The following STAB2 variants were observed in gnomAD, a reference collection of about 807,000 sequenced individuals.
STAB2 encodes stabilin-2.
A neutral mutation model predicts 338.1 loss-of-function variants in STAB2; 288 were observed. That is an observed-to-expected ratio of 0.85 (90% CI 0.77 to 0.94). The LOEUF is 0.94. Among genes scored for constraint, STAB2 ranks in the 40% least tolerant of loss-of-function variants. The pLI, the probability that STAB2 is intolerant of heterozygous loss-of-function variation, is 0.00. For missense variants in STAB2, 3,141 were observed against 3,210.1 expected, an observed-to-expected ratio of 0.98 and a Z score of 0.52; for synonymous variants, 1,202 against 1,193.3, an observed-to-expected ratio of 1.01 and a Z score of -0.15.
At position 103,640,119 on chromosome 12, in the gene STAB2, G is replaced by A. The variant is rs764080749; in HGVS notation, c.907-4G>A. 3.7e-6 allele frequency: 6 copies of A among 1,609,048 alleles called. No individual in the cohort carries two copies. The highest frequency in any genetic ancestry group is 5.1e-6 in the Non-Finnish European group (6 of 1,176,932). On this transcript the variant is annotated splice_polypyrimidine_tract_variant and splice_region_variant and intron_variant, in intron 8 of 68. Coordinates refer to ENST00000388887, the MANE Select transcript of STAB2 (RefSeq NM_017564.10). The stretch of plus-strand genomic sequence containing the variant: ...ATTTGTTTTTCTCTTCCTGTCTACT[G>A]AAGTCTCACTGCGAGTGTAAGGAGC...
chr12:103,740,549 T>A, intron 54 of STAB2, 81 bp from the exon 55 acceptor site: 1 of 1,532,198 alleles, frequency 6.5e-7, no homozygotes, highest in South Asian at 1.3e-5. Flanking sequence ...ACCTAAGACC[T>A]CCATGAGGGC....
At chr12:103,724,926 A>C in intron 44 of STAB2, 49 bp from the exon 45 acceptor site, 1 of 1,589,706 alleles carries the variant, frequency 6.3e-7, no homozygotes, top group Non-Finnish European at 8.6e-7. Flanking sequence ...TAGAGCTGGC[A>C]AACTAACTGG....
In STAB2 at chr12:103,652,694, A is replaced by C; in HGVS notation, c.1396A>C (p.Asn466His). Residue 466 changes from asparagine to histidine, a missense_variant, in exon 12 of 69, where the codon AAC (asparagine) becomes CAC (histidine). By Grantham distance (68) the Asn-to-His change is moderately conservative. Transcript: ENST00000388887. ...TLTGKSGEIFNSDKDNQIKLK... is the reference protein window; with the variant it reads ...TLTGKSGEIFHSDKDNQIKLK... ...GACTGGAAAGTCGGGGGAAATCTTCAACAGCGATAAGGTAAGGGTTCCTCT... is the reference window on the plus strand; with the variant it reads ...GACTGGAAAGTCGGGGGAAATCTTCCACAGCGATAAGGTAAGGGTTCCTCT... The C allele has an allele frequency of 6.2e-7, 1 of 1,600,650 alleles. No homozygotes were observed. The highest frequency in any genetic ancestry group is 1.3e-5 in the African/African-American group (1 of 74,734).
intron 1 of STAB2, among the ~76,000 whole-genome samples, chr12:103,589,004 C>G (rs1359265287): frequency 6.6e-6 from 1 of 152,186 alleles, no homozygotes; most frequent in African/African-American, 2.4e-5. Flanking sequence ...AATCACAAGA[C>G]CAGTAACTCA....
chr12:103,684,478 G>A (rs1877215415), intron 26 of STAB2, among the ~76,000 whole-genome samples: 1 of 152,172 alleles, frequency 6.6e-6, no homozygotes, highest in African/African-American at 2.4e-5. Flanking sequence ...AAAGCTGAAG[G>A]AGCTCTCACA....
Position 103,709,193 on chromosome 12 carries a change from AAG to A in STAB2, c.4288+661_4288+662del, listed in dbSNP as rs933086339. 1.9e-4 allele frequency among the ~76,000 whole-genome samples: 29 copies of A among 152,268 alleles called. 1 individual carries two copies. The highest frequency in any genetic ancestry group is 8.5e-4 in the Admixed American group (13 of 15,296). The stretch of plus-strand genomic sequence containing the variant: ...AATGTGCTTCAGGTGAGGGCGGTCA[AAG>A]AGAAGGGAATTTCAGGCAGAAAGAA... On this transcript the variant is annotated intron_variant, in intron 39 of 68. Coordinates refer to ENST00000388887, the MANE Select transcript of STAB2 (RefSeq NM_017564.10).
chr12:103,673,937 A>T lies in STAB2; in HGVS notation c.2402A>T (p.Asn801Ile). ...CTGTGCGTTCACGGAACATGCAATAACAGGATAGACAGCGATGGGGCCTGC... is the reference window on the plus strand; with the variant it reads ...CTGTGCGTTCACGGAACATGCAATATCAGGATAGACAGCGATGGGGCCTGC... ...KCLCVHGTCN[N>I]RIDSDGACLT... The change falls in exon 23 of 69, where the codon AAC becomes ATC. Residue 801 changes from asparagine (N) to isoleucine (I), a missense_variant. Asn to Ile is a moderately radical substitution (Grantham distance 149, BLOSUM62 -3). Coordinates refer to ENST00000388887, the MANE Select transcript of STAB2 (RefSeq NM_017564.10). The T allele has an allele frequency of 1.2e-6, 2 of 1,613,766 alleles. No homozygotes were observed. Among genetic ancestry groups the T allele is most frequent in the Non-Finnish European group, 1.7e-6 (2 of 1,179,772 alleles).
At chr12:103,608,437 C>T (rs1350963917) in intron 3 of STAB2, among the ~76,000 whole-genome samples, 1 of 152,168 alleles carries the variant, frequency 6.6e-6, no homozygotes, top group African/African-American at 2.4e-5. Context: ...CCACCGCGCC[C>T]AGCCTATGAT....
At chr12:103,737,598 C>CA in intron 52 of STAB2, 36 bp from the exon 53 acceptor site, 1 of 1,253,072 alleles carries the variant, frequency 8.0e-7, no homozygotes, top group East Asian at 3.0e-5. Flanking sequence ...CTCTCTCTCT[C>CA]TCTTTCTCTT....
chr12:103,666,460 G>T, intron 19 of STAB2, 107 bp downstream of exon 19: 1 of 1,189,948 alleles, frequency 8.4e-7, no homozygotes, highest in Non-Finnish European at 1.2e-6. Context: ...TTGCAGCTGG[G>T]GTAATATAAG....
At chr12:103,650,155 C>T (rs541489932) in intron 10 of STAB2, among the ~76,000 whole-genome samples, 1 of 152,262 alleles carries the variant, frequency 6.6e-6, no homozygotes, top group South Asian at 2.1e-4. Flanking sequence ...TCTTTGCTCA[C>T]CGAGACAGTG....
At chr12:103,622,442 G>A (rs1419008069) in intron 5 of STAB2, among the ~76,000 whole-genome samples, 2 of 152,200 alleles carry the variant, frequency 1.3e-5, no homozygotes, top group African/African-American at 4.8e-5. Flanking sequence ...AACACGGTTT[G>A]AACACTCAGC....
chr12:103,615,991 G>A (rs1216696893), intron 3 of STAB2, among the ~76,000 whole-genome samples: 2 of 152,178 alleles, frequency 1.3e-5, no homozygotes, highest in Non-Finnish European at 2.9e-5. Flanking sequence ...TATACCTAAT[G>A]AGGAGGGCCT....
intron 60 of STAB2, among the ~76,000 whole-genome samples, chr12:103,750,956 G>A (rs1213097524): frequency 2.0e-5 from 3 of 152,204 alleles, no homozygotes; most frequent in Non-Finnish European, 4.4e-5. Flanking sequence ...GCCGGTTGTG[G>A]CAGTGCGCGC....
chr12:103,759,325 T>C, intron 65 of STAB2, 52 bp downstream of exon 65: 1 of 1,600,248 alleles, frequency 6.2e-7, no homozygotes, highest in Non-Finnish European at 8.5e-7. Flanking sequence ...GCATGCAAAG[T>C]TCCTGGCATA....
At chr12:103,761,674 G>A (rs182101694) in intron 66 of STAB2, among the ~76,000 whole-genome samples, 7 of 152,230 alleles carry the variant, frequency 4.6e-5, no homozygotes, top group African/African-American at 7.2e-5. Context: ...CAAAGGAAGC[G>A]CTGGAAGGGG....
rs757275690 is a variant in STAB2, at chr12:103,742,528, C to CG, written c.6009dup (p.Arg2004GlufsTer5). 1.2e-6 allele frequency: 2 copies of CG among 1,614,056 alleles called. No homozygotes were observed. Among genetic ancestry groups the CG allele is most frequent in the Non-Finnish European group, 1.7e-6 (2 of 1,180,004 alleles). On this transcript the variant is annotated frameshift_variant, in exon 56 of 69. Coordinates refer to ENST00000388887, the MANE Select transcript of STAB2 (RefSeq NM_017564.10). LOFTEE classifies it high-confidence loss of function. The stretch of plus-strand genomic sequence containing the variant: ...GGGACGGCGTGTGAGATGTGCTGGC[C>CG]GGGGAGATTCGGGCCTGATTGTCTG...
intron 5 of STAB2, among the ~76,000 whole-genome samples, chr12:103,625,145 C>T (rs1957361687): frequency 6.6e-6 from 1 of 152,168 alleles, no homozygotes; most frequent in South Asian, 2.1e-4. Flanking sequence ...AATAAAGCAT[C>T]CAGCGTTGCT....
chr12:103,742,606 CCT>C, intron 56 of STAB2, 52 bp downstream of exon 56: 1 of 1,609,378 alleles, frequency 6.2e-7, no homozygotes, highest in Non-Finnish European at 8.5e-7. Context: ...CTGTGTGCTC[CCT>C]GTCCTTGTTC....
Sources: gnomAD v4.1 joint callset for allele counts (sites outside exome capture counted in the v4.1 genomes callset) on GRCh38, gnomAD v4.1.1 for gene constraint, MANE v1.5 for transcripts, NCBI Gene and HGNC (gene_info 2026-07-23, HGNC 2026-07-21) for gene names.